The following SATB1 variants were observed in gnomAD, a reference collection of about 807,000 sequenced individuals.
SATB1 encodes the protein DNA-binding protein SATB1.
In SATB1, 11 loss-of-function variants were observed where a neutral mutation model predicts 86.9. The ratio of observed to expected loss-of-function variants is 0.13; its 90% CI spans 0.08 to 0.21. The LOEUF (loss-of-function observed/expected upper bound fraction) is 0.21, where lower values mean the gene tolerates loss of function less well. Among genes scored for constraint, SATB1 ranks in the 10% least tolerant of loss-of-function variants. The probability of loss-of-function intolerance (pLI) is 1.00; values close to 1 mark genes in which losing one functional copy is unlikely to be tolerated. For missense variants in SATB1, 551 were observed against 937.6 expected, an observed-to-expected ratio of 0.59 and a Z score of 5.39; for synonymous variants, 357 against 357.2, an observed-to-expected ratio of 1.00 and a Z score of 0.01.
rs1229213671 is a variant in SATB1 at position 18,444,734 on chromosome 3, C to T, written c.-25+784G>A. The T allele has an allele frequency of 2.3e-5, 19 of 826,326 alleles. No homozygotes were observed. The highest frequency in any genetic ancestry group is 1.5e-6 in the Non-Finnish European group (1 of 685,346). The allele number at this position is 826,326 out of a possible 1,614,324, so 51.2% of individuals were successfully genotyped here. A position where few individuals can be genotyped will look rare whatever the true frequency, so the allele number is the denominator to read the frequency against. Reference sequence around the variant, plus strand: ...GCTTCTGCCTCTCCTGCCGCCGCCGCCGCCGCCGGAGCTGCGGCTGCCGCG... The same window carrying T: ...GCTTCTGCCTCTCCTGCCGCCGCCGTCGCCGCCGGAGCTGCGGCTGCCGCG... On this transcript the variant is annotated intron_variant, in intron 1 of 3. Coordinates refer to the SATB1 transcript ENST00000415069. The surrounding 1 kb of genome is among the most constrained non-coding windows in gnomAD (Gnocchi z 5.1).
chr3:18,351,488 G>A (rs1401910477), intron 10 of SATB1: 1 of 1,073,866 alleles, frequency 9.3e-7, no homozygotes, highest in African/African-American at 1.6e-5. Context: ...TACATACAAG[G>A]TGAAGGAAGG....
intron 5 of SATB1, among the ~76,000 whole-genome samples, chr3:18,413,702 C>T (rs1045020254): frequency 6.6e-6 from 1 of 151,990 alleles, no homozygotes; most frequent in African/African-American, 2.4e-5. Context: ...AGGAGATTAG[C>T]TGTAGGTATA....
At chr3:18,436,635 C>T (rs1024892815) in intron 2 of SATB1, among the ~76,000 whole-genome samples, 2 of 152,006 alleles carry the variant, frequency 1.3e-5, no homozygotes, top group East Asian at 1.9e-4. Flanking sequence ...TCTTTATCGG[C>T]ACAAGCTACA....
intron 5 of SATB1, among the ~76,000 whole-genome samples, chr3:18,410,532 G>A (rs546356012): frequency 5.3e-5 from 8 of 152,012 alleles, no homozygotes; most frequent in African/African-American, 7.2e-5. Flanking sequence ...AGGCGCTCTC[G>A]ATACATCAAA....
At chr3:18,374,088 G>A (rs1695611549) in intron 9 of SATB1, among the ~76,000 whole-genome samples, 2 of 152,128 alleles carry the variant, frequency 1.3e-5, no homozygotes, top group African/African-American at 4.8e-5. Flanking sequence ...CTGCACTACT[G>A]TACCTGCAAG....
At chr3:18,417,800 T>C in intron 2 of SATB1, 1 of 599,810 alleles carries the variant, frequency 1.7e-6, no homozygotes, top group Non-Finnish European at 2.9e-6. Context: ...AAATCAACAA[T>C]CTTTGTTACA....
In SATB1 at chr3:18,359,378, G is replaced by GA. The variant is rs1322074614; in HGVS notation, c.1576-7184dup. Among the ~76,000 whole-genome samples the GA allele has an allele frequency of 6.6e-5, 10 of 151,338 alleles. 1 individual carries two copies. The South Asian group carries it at 2.1e-3, about 32-fold the overall frequency. On this transcript the variant is annotated intron_variant, in intron 9 of 10. Transcript: ENST00000338745. ...AGAGGGAGAATTTGAGAAGGGGGGA[G>GA]AAAAAAACAAACAGGAATGAACATA...
In SATB1 at chr3:18,415,883, A is replaced by G. The variant is rs1698085328; in HGVS notation, c.515+124T>C. 7.8e-6 allele frequency: 6 copies of G among 772,164 alleles called. No individual in the cohort carries two copies. The South Asian group carries it at 1.8e-4, about 23-fold the overall frequency. 47.8% of individuals were successfully genotyped at this position (772,164 alleles called of 1,614,324 possible). A position where few individuals can be genotyped will look rare whatever the true frequency, so the allele number is the denominator to read the frequency against. ...GCAGAAGGATAGGGTAACAAAATCGATCTGTATTAACCTTTCTGAAACACA... is the reference window on the plus strand; with the variant it reads ...GCAGAAGGATAGGGTAACAAAATCGGTCTGTATTAACCTTTCTGAAACACA... On this transcript the variant is annotated intron_variant, in intron 4 of 10. Transcript: ENST00000338745.
rs908485994 is a variant in SATB1, at chr3:18,394,325, G to C, written c.1206+137C>G. 4.0e-6 allele frequency: 3 copies of C among 742,072 alleles called. No homozygotes were observed. The highest frequency in any genetic ancestry group is 1.8e-5 in the African/African-American group (1 of 56,328). 46.0% of individuals were successfully genotyped at this position (742,072 alleles called of 1,614,324 possible). ...GAGTGGTAAAATTGAGGCTCCACCA[G>C]GAATAGGTAATATGATCACATGAAG... On this transcript the variant is annotated intron_variant, in intron 7 of 10. Transcript: ENST00000338745. This position sits in a 1 kb window ranked among gnomAD's most constrained non-coding sequence, Gnocchi z 5.9.
intron 8 of SATB1, among the ~76,000 whole-genome samples, chr3:18,379,537 AT>A (rs964133846): frequency 6.6e-6 from 1 of 152,148 alleles, no homozygotes; most frequent in East Asian, 1.9e-4. Context: ...TAAACAAATG[AT>A]TTTTTTGGCA....
chr3:18,434,189 G>T (rs1698982944), intron 2 of SATB1, among the ~76,000 whole-genome samples: 3 of 151,822 alleles, frequency 2.0e-5, no homozygotes, highest in Non-Finnish European at 1.5e-5. Context: ...AGGTAACAAG[G>T]CTCTCAAAAA....
chr3:18,391,582 T>C (rs1311231131), intron 7 of SATB1, among the ~76,000 whole-genome samples: 1 of 132,120 alleles, frequency 7.6e-6, no homozygotes, highest in African/African-American at 2.9e-5. Flanking sequence ...CCTGTGTCCA[T>C]GTGATCTCAT....
chr3:18,365,652 G>C (rs62238533), intron 9 of SATB1, among the ~76,000 whole-genome samples: 19,063 of 152,116 alleles, frequency 0.13, 2,643 homozygotes, highest in African/African-American at 0.34. Flanking sequence ...GGGGGAGACA[G>C]GTAGAAAATA....
intron 5 of SATB1, among the ~76,000 whole-genome samples, chr3:18,413,488 A>G (rs1379552376): frequency 6.6e-6 from 1 of 152,102 alleles, no homozygotes; most frequent in Non-Finnish European, 1.5e-5. Flanking sequence ...AGTTTTTAAA[A>G]AGTTTATTTC....
chr3:18,397,568 A>G (rs1308289216), intron 5 of SATB1, among the ~76,000 whole-genome samples: 3 of 152,214 alleles, frequency 2.0e-5, no homozygotes. Flanking sequence ...AATGCCATCT[A>G]TTACTAGGCT....
chr3:18,443,092 T>C (rs979505701), upstream of SATB1, among the ~76,000 whole-genome samples: 1 of 152,212 alleles, frequency 6.6e-6, no homozygotes, highest in Non-Finnish European at 1.5e-5. This position sits in a 1 kb window ranked among gnomAD's most constrained non-coding sequence, Gnocchi z 4.4. Context: ...CTCACATTCC[T>C]GACATCTCAG....
Position 18,415,911 on chromosome 3 carries a change from C to G in SATB1, c.515+96G>C. On this transcript the variant is annotated intron_variant, in intron 4 of 10. Transcript: ENST00000338745. Reference sequence around the variant, plus strand: ...TGTATTAACCTTTCTGAAACACAGACTAAAAAAAAATTGAAGGTCGACCAG... The same window carrying G: ...TGTATTAACCTTTCTGAAACACAGAGTAAAAAAAAATTGAAGGTCGACCAG... 4.9e-6 allele frequency: 6 copies of G among 1,218,660 alleles called. No individual in the cohort carries two copies. The South Asian group carries it at 6.6e-5, about 13-fold the overall frequency. The allele number at this position is 1,218,660 out of a possible 1,614,324, so 75.5% of individuals were successfully genotyped here.
chr3:18,445,375 G>A, intron 1 of SATB1: 1 of 985,168 alleles, frequency 1.0e-6, no homozygotes, highest in Non-Finnish European at 1.2e-6. Flanking sequence ...GCGGGCCGGA[G>A]GGGCGAGGGC....
chr3:18,423,517 C>T (rs903721654), intron 1 of SATB1, 110 bp downstream of exon 1: 1 of 152,054 alleles, frequency 6.6e-6, no homozygotes, highest in Non-Finnish European at 1.5e-5. Flanking sequence ...ACGATCCAGG[C>T]CAAGCTTTCA....
Sources: allele counts gnomAD v4.1 joint callset (sites outside exome capture counted in the v4.1 genomes callset), GRCh38; gene constraint gnomAD v4.1.1; non-coding constraint Gnocchi (gnomAD v3.1); transcripts MANE v1.5; gene names NCBI Gene and HGNC (gene_info 2026-07-23, HGNC 2026-07-21).